Variants in AHR observed in about 807,000 individuals in gnomAD.
AHR encodes aryl hydrocarbon receptor, also known as AH-receptor.
In AHR, 40 loss-of-function variants were observed where a neutral mutation model predicts 86.8. The ratio of observed to expected loss-of-function variants is 0.46; its 90% CI spans 0.36 to 0.60. AHR has a LOEUF of 0.60. Among genes scored for constraint, AHR ranks in the 20% least tolerant of loss-of-function variants. The pLI is 0.00. For synonymous variants in AHR, 398 were observed against 354.9 expected, an observed-to-expected ratio of 1.12 and a Z score of -1.37; for missense variants, 1,001 against 1,011.6, an observed-to-expected ratio of 0.99 and a Z score of 0.14.
At chr7:17,333,204 G>T (rs1415180003) in intron 6 of AHR, among the ~76,000 whole-genome samples, 2 of 152,002 alleles carry the variant, frequency 1.3e-5, no homozygotes, top group African/African-American at 4.8e-5. Flanking sequence ...TGCCCCTTTT[G>T]TTAAATGACA....
In AHR at chr7:17,299,109, G is replaced by A. The variant is rs1289232843; in HGVS notation, c.-156G>A. ...CCTGCGTGAGCCGAGGCGTTGAGGC[G>A]CGGCGCCCACGCCACTGTCCCGAGA... On this transcript the variant is annotated 5_prime_UTR_variant, in exon 1 of 11. Transcript: ENST00000242057. 1.4e-6 allele frequency: 1 copy of A among 739,380 alleles called. No individual in the cohort carries two copies. The highest frequency in any genetic ancestry group is 4.0e-4 in the Middle Eastern group (1 of 2,490). The allele number at this position is 739,380 out of a possible 1,614,324, so 45.8% of individuals were successfully genotyped here.
At position 17,303,067 on chromosome 7, in the gene AHR, T is replaced by G. The variant is rs1781970356; in HGVS notation, c.65+3738T>G. Among the ~76,000 whole-genome samples the G allele has an allele frequency of 2.0e-5, 3 of 152,132 alleles. No individual in the cohort carries two copies. In the South Asian group the frequency reaches 6.2e-4, roughly 31 times the overall value. On this transcript the variant is annotated intron_variant, in intron 1 of 10. Transcript: ENST00000242057. ...TTAGAAATAAATACCATACAAATCT[T>G]TTACAACAGTACCTTTCTACTTTTA... is the stretch of plus-strand genomic sequence containing the variant.
intron 5 of AHR, among the ~76,000 whole-genome samples, 188 bp downstream of exon 5, chr7:17,330,263 A>G (rs1167875158): frequency 6.6e-6 from 1 of 151,890 alleles, no homozygotes; most frequent in Non-Finnish European, 1.5e-5. Context: ...TTGGCAAATG[A>G]GAGCCATTTA....
intron 9 of AHR, among the ~76,000 whole-genome samples, chr7:17,338,449 G>T (rs1350057533): frequency 6.6e-6 from 1 of 152,130 alleles, no homozygotes; most frequent in East Asian, 1.9e-4. Flanking sequence ...TTAACCTCCA[G>T]GCTCAGGCAG....
intron 2 of AHR, among the ~76,000 whole-genome samples, chr7:17,311,456 T>A (rs1270383721): frequency 6.6e-6 from 1 of 152,168 alleles, no homozygotes; most frequent in Non-Finnish European, 1.5e-5. Flanking sequence ...GACTGGTAAT[T>A]TGTGTTTAGA....
chr7:17,310,536 C>CTTT (rs1231748729), intron 2 of AHR, among the ~76,000 whole-genome samples: 2 of 141,182 alleles, frequency 1.4e-5, no homozygotes, highest in Non-Finnish European at 3.1e-5. Flanking sequence ...TATTTCTAAT[C>CTTT]TTTTTTTTTT....
chr7:17,329,059 A>G (rs1782257731), intron 4 of AHR, among the ~76,000 whole-genome samples: 1 of 151,900 alleles, frequency 6.6e-6, no homozygotes, highest in Admixed American at 6.6e-5. Flanking sequence ...GAGATTAGCC[A>G]TTTTCCAATC....
chr7:17,323,983 G>C (rs568712476), intron 3 of AHR, among the ~76,000 whole-genome samples: 1 of 152,238 alleles, frequency 6.6e-6, no homozygotes, highest in African/African-American at 2.4e-5. Context: ...ACTGATTGAC[G>C]TAACACTTGG....
At chr7:17,316,683 ATTC>A (rs1279814550) in intron 2 of AHR, among the ~76,000 whole-genome samples, 1 of 152,158 alleles carries the variant, frequency 6.6e-6, no homozygotes, top group East Asian at 1.9e-4. Context: ...TACCTACTGA[ATTC>A]TTCATGTATT....
In AHR at chr7:17,333,931, A is replaced by T; in HGVS notation, c.725A>T (p.Lys242Met). Residue 242 changes from lysine (K) to methionine (M), a missense_variant, in exon 7 of 11, where the codon AAG becomes ATG. By Grantham distance (95) the Lys-to-Met change is moderately conservative (BLOSUM62 -1). Transcript: ENST00000242057. ...TTTAAGGCAATGAATTTCCAAGGGA[A>T]GTTAAAGTATCTTCATGGACAGAAA... ...SGFLAMNFQG[K>M]LKYLHGQKKK... The T allele has an allele frequency of 1.2e-6, 2 of 1,612,968 alleles. No homozygotes were observed. Among genetic ancestry groups the T allele is most frequent in the Non-Finnish European group, 1.7e-6 (2 of 1,179,224 alleles).
Position 17,343,275 on chromosome 7 carries a change from A to G in AHR, c.*211A>G, listed in dbSNP as rs1782445593. On this transcript the variant is annotated 3_prime_UTR_variant, in exon 11 of 11. Coordinates refer to ENST00000242057, the MANE Select transcript of AHR (RefSeq NM_001621.5). ...AAATTACATATACTACAGTCAAGAT[A>G]GAAAGGGTGCTGCCACGGAGTGGTG... 1.7e-6 allele frequency: 1 copy of G among 585,274 alleles called. No individual in the cohort carries two copies. 36.3% of individuals were successfully genotyped at this position (585,274 alleles called of 1,614,324 possible).
In AHR at chr7:17,343,155, A is replaced by G. The variant is rs902668976; in HGVS notation, c.*91A>G. The G allele has an allele frequency of 6.9e-7, 1 of 1,453,692 alleles. No homozygotes were observed. The highest frequency in any genetic ancestry group is 1.2e-5 in the South Asian group (1 of 84,786). 90.0% of individuals were successfully genotyped at this position (1,453,692 alleles called of 1,614,324 possible). A position where few individuals can be genotyped will look rare whatever the true frequency, so the allele number is the denominator to read the frequency against. ...AAACTGTCACTGTTGGACGTCAGCAAGTTCACATGGAGGCATTGATGCATG... is the reference window on the plus strand; with the variant it reads ...AAACTGTCACTGTTGGACGTCAGCAGGTTCACATGGAGGCATTGATGCATG... On this transcript the variant is annotated 3_prime_UTR_variant, in exon 11 of 11. Coordinates refer to ENST00000242057, the MANE Select transcript of AHR (RefSeq NM_001621.5).
At position 17,299,320 on chromosome 7, in the gene AHR, T is replaced by A. The variant is rs1484723416; in HGVS notation, c.56T>A (p.Val19Glu). ...TYASRKRRKP[V>E]QKTVKPIPAE... ...GCCAGTCGCAAGCGGCGGAAGCCGG[T>A]GCAGAAAACGTGAGTGTCCCGAGCG... Residue 19 changes from valine to glutamate, a missense_variant, in exon 1 of 11, where the codon GTG becomes GAG. Val to Glu is a moderately radical substitution (Grantham distance 121). Coordinates refer to ENST00000242057, the MANE Select transcript of AHR (RefSeq NM_001621.5). The A allele has an allele frequency of 1.2e-6, 2 of 1,612,848 alleles. No individual in the cohort carries two copies. The highest frequency in any genetic ancestry group is 1.7e-6 in the Non-Finnish European group (2 of 1,179,760).
At chr7:17,314,907 G>T (rs573033807) in intron 2 of AHR, among the ~76,000 whole-genome samples, 1 of 151,946 alleles carries the variant, frequency 6.6e-6, no homozygotes. Context: ...AAGTAGGTTT[G>T]TTTGCATAAC....
chr7:17,317,433 A>G (rs937463464), intron 2 of AHR, among the ~76,000 whole-genome samples: 6 of 152,086 alleles, frequency 3.9e-5, no homozygotes, highest in Non-Finnish European at 5.9e-5. Context: ...TTATTGCGCT[A>G]TGTCTTAAGA....
Position 17,299,040 on chromosome 7 carries a change from G to T in AHR, c.-225G>T. On this transcript the variant is annotated 5_prime_UTR_variant, in exon 1 of 11. Transcript: ENST00000242057. ...TCCGCCCCTCGCCCACCCTCACTGC[G>T]CCAGGCCCAGGCAGCTCACCTGTAC... The T allele has an allele frequency of 4.1e-6, 2 of 487,480 alleles. No homozygotes were observed. Among genetic ancestry groups the T allele is most frequent in the Non-Finnish European group, 3.5e-6 (1 of 284,400 alleles). The allele number at this position is 487,480 out of a possible 1,614,324, so 30.2% of individuals were successfully genotyped here. A position where few individuals can be genotyped will look rare whatever the true frequency, so the allele number is the denominator to read the frequency against.
rs1331224636 is a variant in AHR, at chr7:17,298,769, G to C, written c.-496G>C. 1 of 398,008 alleles carries C rather than the reference G, an allele frequency of 2.5e-6. No individual in the cohort carries two copies. Among genetic ancestry groups the C allele is most frequent in the Non-Finnish European group, 4.4e-6 (1 of 225,664 alleles). The allele number at this position is 398,008 out of a possible 1,614,324, so 24.7% of individuals were successfully genotyped here. A position where few individuals can be genotyped will look rare whatever the true frequency, so the allele number is the denominator to read the frequency against. On this transcript the variant is annotated 5_prime_UTR_variant, in exon 1 of 11. Transcript: ENST00000242057. ...TGGGAGCAGCCGGGACTGGTGGCCC[G>C]CGCCCGAGCTCCGCAGGCGGGAAGC...
In AHR at chr7:17,337,738, G is replaced by A. The variant is rs1317958718; in HGVS notation, c.1161-1248G>A. On this transcript the variant is annotated intron_variant, in intron 9 of 10. Coordinates refer to ENST00000242057, the MANE Select transcript of AHR (RefSeq NM_001621.5). ...GATCCGCCCGCCTCAGCCTCCCAAA[G>A]TGCTGGGATTACAGGCGTGAGCCAC... Among the ~76,000 whole-genome samples the A allele has an allele frequency of 2.0e-5, 3 of 151,246 alleles. No individual in the cohort carries two copies. In the East Asian group the frequency reaches 5.9e-4, roughly 30 times the overall value.
At chr7:17,336,037 A>G (rs1021420784) in intron 9 of AHR, 2 of 334,456 alleles carry the variant, frequency 6.0e-6, no homozygotes, top group Admixed American at 9.6e-5. Context: ...TATGAAAGAC[A>G]CATGAAAAGC....
Sources: allele counts gnomAD v4.1 joint callset (sites outside exome capture counted in the v4.1 genomes callset), GRCh38; gene constraint gnomAD v4.1.1; transcripts MANE v1.5; gene names NCBI Gene and HGNC (gene_info 2026-07-23, HGNC 2026-07-21).